The following PCLO variants were observed in gnomAD, a reference collection of about 807,000 sequenced individuals.
PCLO encodes the protein protein piccolo.
In PCLO, 82 loss-of-function variants were observed where a neutral mutation model predicts 427.5. The ratio of observed to expected loss-of-function variants is 0.19; its 90% confidence interval spans 0.16 to 0.23. The LOEUF (loss-of-function observed/expected upper bound fraction) is 0.23, where lower values mean the gene tolerates loss of function less well. Ranked by LOEUF, PCLO falls within the 10% of genes least tolerant of loss-of-function variation. The pLI, the probability that PCLO is intolerant of heterozygous loss-of-function variation, is 1.00. For synonymous variants in PCLO, 2,357 were observed against 2,155.4 expected, an observed-to-expected ratio of 1.09 and a Z score of -2.59; for missense variants, 6,239 against 6,115.9, an observed-to-expected ratio of 1.02 and a Z score of -0.67.
chr7:83,006,290 C>T (rs1401007826), intron 3 of PCLO, among the ~76,000 whole-genome samples: 1 of 151,522 alleles, frequency 6.6e-6, no homozygotes, highest in Non-Finnish European at 1.5e-5. Context: ...CAGAATGTGG[C>T]ATTTAGAATT....
At chr7:83,001,586 CA>C (rs1467284959) in intron 3 of PCLO, among the ~76,000 whole-genome samples, 2 of 151,854 alleles carry the variant, frequency 1.3e-5, no homozygotes, top group Non-Finnish European at 2.9e-5. Flanking sequence ...TCCTGACTTT[CA>C]AACTTAGCGG....
intron 2 of PCLO, among the ~76,000 whole-genome samples, chr7:83,142,877 T>G (rs1162734306): frequency 6.6e-6 from 1 of 152,094 alleles, no homozygotes; most frequent in Non-Finnish European, 1.5e-5. Flanking sequence ...CAGTATCGCT[T>G]GAACCAGGAG....
chr7:83,108,857 T>C (rs1029880270), intron 3 of PCLO, among the ~76,000 whole-genome samples: 1 of 152,174 alleles, frequency 6.6e-6, no homozygotes. Flanking sequence ...ATCACAGTGA[T>C]GTATACAAAA....
chr7:83,060,173 G>C (rs1168788358), intron 3 of PCLO, among the ~76,000 whole-genome samples: 1 of 152,108 alleles, frequency 6.6e-6, no homozygotes, highest in Non-Finnish European at 1.5e-5. Context: ...AATTAGATAA[G>C]TCTGTGAGCC....
chr7:82,854,697 C>A (rs1274471488), intron 10 of PCLO, among the ~76,000 whole-genome samples: 1 of 151,998 alleles, frequency 6.6e-6, no homozygotes, highest in South Asian at 2.1e-4. Context: ...GACAAGAATT[C>A]TTTAGATAAA....
At chr7:83,158,234 T>C (rs1460942243) in intron 1 of PCLO, among the ~76,000 whole-genome samples, 1 of 152,056 alleles carries the variant, frequency 6.6e-6, no homozygotes, top group African/African-American at 2.4e-5. Context: ...GAACTAAAAG[T>C]GTTACCCTAG....
At chr7:83,077,104 C>G (rs1226614488) in intron 3 of PCLO, among the ~76,000 whole-genome samples, 1 of 151,986 alleles carries the variant, frequency 6.6e-6, no homozygotes, top group Non-Finnish European at 1.5e-5. Flanking sequence ...TTCTTTTTGA[C>G]TAAAATATGA....
At chr7:83,062,634 C>G (rs1269179425) in intron 3 of PCLO, among the ~76,000 whole-genome samples, 4 of 152,100 alleles carry the variant, frequency 2.6e-5, no homozygotes, top group South Asian at 2.1e-4. Flanking sequence ...GAGGCAGGTA[C>G]CAGATTCAAT....
At position 82,783,307 on chromosome 7, in the gene PCLO, T is replaced by A. The variant is rs181237066; in HGVS notation, c.15007+18211A>T. On this transcript the variant is annotated intron_variant, in intron 22 of 24. Transcript: ENST00000333891. ...GCCTTATCTTAGAGTTAAAGAAATA[T>A]CACATTTAAAAATTGCACCCTAGAG... is the stretch of plus-strand genomic sequence containing the variant. Among the ~76,000 whole-genome samples the A allele has an allele frequency of 2.0e-5, 3 of 152,308 alleles. No individual in the cohort carries two copies. The East Asian group carries it at 5.8e-4, about 29-fold the overall frequency.
intron 6 of PCLO, among the ~76,000 whole-genome samples, chr7:82,935,363 T>A (rs2116356910): frequency 6.6e-6 from 1 of 151,590 alleles, no homozygotes; most frequent in African/African-American, 2.4e-5. Flanking sequence ...TTCATTGGTT[T>A]GCTGCAAAGA....
intron 9 of PCLO, among the ~76,000 whole-genome samples, chr7:82,885,762 T>G (rs183137684): frequency 9.9e-5 from 15 of 151,534 alleles, no homozygotes; most frequent in Non-Finnish European, 1.3e-4. Flanking sequence ...CATTATCTCA[T>G]TGGATTTTAA....
At chr7:82,847,937 C>G (rs895101452) in intron 10 of PCLO, among the ~76,000 whole-genome samples, 1 of 152,128 alleles carries the variant, frequency 6.6e-6, no homozygotes, top group African/African-American at 2.4e-5. Context: ...AACATTTGAA[C>G]AAGGAACCCA....
At chr7:82,841,425 T>C (rs958252606) in intron 14 of PCLO, 34 bp downstream of exon 14, 1 of 1,388,276 alleles carries the variant, frequency 7.2e-7, no homozygotes, top group Non-Finnish European at 1.0e-6. Context: ...CCAAAAAAGG[T>C]TATATAATGG....
At chr7:83,004,148 A>G (rs1164978145) in intron 3 of PCLO, among the ~76,000 whole-genome samples, 1 of 151,760 alleles carries the variant, frequency 6.6e-6, no homozygotes, top group Non-Finnish European at 1.5e-5. Context: ...TTCCACAGAA[A>G]TGGAACAAAA....
chr7:82,923,289 T>C (rs17156851), intron 6 of PCLO, among the ~76,000 whole-genome samples: 48,093 of 151,720 alleles, frequency 0.32, 8,775 homozygotes, highest in East Asian at 0.6. Context: ...GATAATCTGG[T>C]TTCATTTTGG....
chr7:82,908,949 A>C lies in PCLO; in HGVS notation c.13365T>G (p.Asn4455Lys), dbSNP rs1244742972. 6.2e-7 allele frequency: 1 copy of C among 1,612,800 alleles called. No homozygotes were observed. Among genetic ancestry groups the C allele is most frequent in the Non-Finnish European group, 8.5e-7 (1 of 1,179,264 alleles). The change falls in exon 8 of 25, where the codon AAT (asparagine) becomes AAG (lysine). Residue 4455 changes from asparagine to lysine, a missense_variant. Asn to Lys is a moderately conservative substitution (Grantham distance 94). Around this residue, in one of 5 missense-constraint regions of PCLO, gnomAD observed 877 missense variants for 925.5 expected, o/e 0.95. Coordinates refer to ENST00000333891, the MANE Select transcript of PCLO (RefSeq NM_033026.6). ...FDKPRESRLENGHGLDRKLPE... is the reference protein window; with the variant it reads ...FDKPRESRLEKGHGLDRKLPE... The stretch of plus-strand genomic sequence containing the variant: ...GCAGTTTTCGGTCCAGACCATGTCC[A>C]TTTTCCAAACGAGACTCCCTGGGTT...
intron 6 of PCLO, among the ~76,000 whole-genome samples, chr7:82,946,961 G>C (rs1200456189): frequency 6.6e-6 from 1 of 152,180 alleles, no homozygotes; most frequent in Non-Finnish European, 1.5e-5. Flanking sequence ...CATAGCCACA[G>C]GAAGTAAATC....
chr7:82,970,959 G>A (rs1378044149), intron 3 of PCLO, among the ~76,000 whole-genome samples: 1 of 151,476 alleles, frequency 6.6e-6, no homozygotes, highest in Non-Finnish European at 1.5e-5. Flanking sequence ...CCAAAATTTT[G>A]GAAATACTCT....
At chr7:82,967,144 CT>C (rs1795794528) in intron 3 of PCLO, among the ~76,000 whole-genome samples, 3 of 151,232 alleles carry the variant, frequency 2.0e-5, no homozygotes, top group African/African-American at 7.3e-5. Context: ...TATTTGGTAT[CT>C]TTTTCCCTGA....
Sources: allele counts gnomAD v4.1 joint callset (sites outside exome capture counted in the v4.1 genomes callset), GRCh38; gene constraint gnomAD v4.1.1; regional missense constraint gnomAD v4.1.1; transcripts MANE v1.5; gene names NCBI Gene and HGNC (gene_info 2026-07-23, HGNC 2026-07-21).